Variants in RANBP2 observed in about 807,000 individuals in gnomAD.
RANBP2 encodes the protein RAN binding protein 2.
In RANBP2, 57 loss-of-function variants were observed where a neutral mutation model predicts 303.6. That is an observed-to-expected ratio of 0.19 (90% CI 0.15 to 0.23). The LOEUF (loss-of-function observed/expected upper bound fraction) is 0.23, where lower values mean the gene tolerates loss of function less well. Ranked by LOEUF, RANBP2 falls within the 10% of genes least tolerant of loss-of-function variation. The pLI is 1.00. For synonymous variants in RANBP2, 1,167 were observed against 1,301.5 expected (o/e 0.90, Z 2.23); for missense variants, 3,138 against 3,780.8 (o/e 0.83, Z 4.46).
the RANBP2 span, among the ~76,000 whole-genome samples, chr2:109,138,139 C>T: frequency 1.6e-4 from 24 of 152,346 alleles, no homozygotes; most frequent in East Asian, 1.5e-3. Context: ...CCTCAGCCTC[C>T]CAAGTGGCTG....
At chr2:109,369,127 G>A in the RANBP2 span, among the ~76,000 whole-genome samples, 8 of 152,002 alleles carry the variant, frequency 5.3e-5, no homozygotes, top group East Asian at 1.6e-3. Context: ...GGCAGATCAC[G>A]AGGTCAGGGG....
chr2:108,770,954 TATACATGGC>T (rs1182739254), intron 20 of RANBP2, among the ~76,000 whole-genome samples: 1 of 152,154 alleles, frequency 6.6e-6, no homozygotes, highest in Non-Finnish European at 1.5e-5. Context: ...CACTAGTTGG[TATACATGGC>T]ATGCTTCATG....
chr2:109,387,827 T>A, the RANBP2 span, among the ~76,000 whole-genome samples: 993 of 151,982 alleles, frequency 6.5e-3, 10 homozygotes, highest in East Asian at 0.052. Context: ...CAATTCCACC[T>A]TCTTCTTCCA....
At chr2:109,634,126 A>C in the RANBP2 span, among the ~76,000 whole-genome samples, 2 of 147,220 alleles carry the variant, frequency 1.4e-5, no homozygotes, top group African/African-American at 5.1e-5. Context: ...TCTCAAAAAA[A>C]AAAAAAAAAA....
the RANBP2 span, among the ~76,000 whole-genome samples, chr2:109,296,686 G>T: frequency 8.0e-3 from 1,212 of 152,266 alleles, 11 homozygotes; most frequent in East Asian, 0.038. Flanking sequence ...GTGGAGGCAG[G>T]TGTCATGGGC....
At chr2:109,357,139 T>C in the RANBP2 span, among the ~76,000 whole-genome samples, 2 of 151,064 alleles carry the variant, frequency 1.3e-5, no homozygotes, top group Non-Finnish European at 2.9e-5. Context: ...ATCATAATTA[T>C]GCAGCTTGAT....
At chr2:108,805,569 C>CAA in the RANBP2 span, among the ~76,000 whole-genome samples, 907 of 149,986 alleles carry the variant, frequency 6.0e-3, 15 homozygotes, top group African/African-American at 0.021. Flanking sequence ...ACCAAAAATA[C>CAA]AAAAAAAAAT....
chr2:108,748,311 C>T (rs1675541498), intron 8 of RANBP2, among the ~76,000 whole-genome samples: 1 of 151,458 alleles, frequency 6.6e-6, no homozygotes, highest in South Asian at 2.1e-4. Flanking sequence ...GGGTTCATGC[C>T]ATTCTCCTCC....
chr2:109,125,891 G>A, the RANBP2 span, among the ~76,000 whole-genome samples: 2 of 152,224 alleles, frequency 1.3e-5, no homozygotes, highest in Non-Finnish European at 2.9e-5. Flanking sequence ...ACCAGAAATT[G>A]TAAACTGGCG....
the RANBP2 span, chr2:109,614,986 G>A: frequency 1.9e-6 from 3 of 1,540,812 alleles, no homozygotes; most frequent in Non-Finnish European, 2.6e-6. Context: ...CCCCTACCGC[G>A]GACTCCAGCC....
the RANBP2 span, among the ~76,000 whole-genome samples, chr2:108,936,351 C>T: frequency 1.1e-4 from 16 of 152,234 alleles, no homozygotes; most frequent in African/African-American, 3.6e-4. Context: ...CTGGGTTGAC[C>T]GCATCACGGA....
the RANBP2 span, among the ~76,000 whole-genome samples, chr2:109,707,493 A>G: frequency 6.6e-6 from 1 of 152,172 alleles, no homozygotes; most frequent in Non-Finnish European, 1.5e-5. Flanking sequence ...ATAAATACCC[A>G]CGTTGCCAAA....
the RANBP2 span, among the ~76,000 whole-genome samples, chr2:109,647,334 T>C: frequency 1.3e-5 from 2 of 151,978 alleles, no homozygotes; most frequent in Admixed American, 1.3e-4. Flanking sequence ...CAGATAATTT[T>C]TGTATTTTTA....
the RANBP2 span, among the ~76,000 whole-genome samples, chr2:109,138,965 GA>G: frequency 7.4e-4 from 112 of 152,232 alleles, 1 homozygote; most frequent in Non-Finnish European, 1.2e-3. Flanking sequence ...GGTATCTCTT[GA>G]CATGTGGTAA....
the RANBP2 span, among the ~76,000 whole-genome samples, chr2:109,678,007 C>T: frequency 1.4e-4 from 22 of 152,210 alleles, no homozygotes; most frequent in African/African-American, 5.3e-4. Flanking sequence ...TCAGGCAGTG[C>T]ACCCGTGGTG....
chr2:109,436,816 G>A, the RANBP2 span: 124 of 1,535,838 alleles, frequency 8.1e-5, 1 homozygote, highest in Middle Eastern at 3.5e-4. Context: ...AGGTCAGAGC[G>A]AGGCTCTGCC....
chr2:108,791,696 T>C, the RANBP2 span: 2 of 1,607,974 alleles, frequency 1.2e-6, no homozygotes, highest in Admixed American at 3.3e-5. Context: ...AACTGGATTC[T>C]TTCCATGATT....
chr2:109,623,215 C>T, the RANBP2 span, among the ~76,000 whole-genome samples: 1 of 152,178 alleles, frequency 6.6e-6, no homozygotes, highest in African/African-American at 2.4e-5. Flanking sequence ...GAATCTATTA[C>T]AAAGGGTGCT....
At chr2:109,585,371 A>C in the RANBP2 span, 1 of 1,427,794 alleles carries the variant, frequency 7.0e-7, no homozygotes. Flanking sequence ...GGCTGAAAAG[A>C]AATACAACTG....
Sources: gnomAD v4.1 joint callset for allele counts (sites outside exome capture counted in the v4.1 genomes callset) on GRCh38, gnomAD v4.1.1 for gene constraint, MANE v1.5 for transcripts, NCBI Gene and HGNC (gene_info 2026-07-23, HGNC 2026-07-21) for gene names.